ZNF678: variants seen among roughly 807,000 people sequenced by gnomAD.
The protein encoded by ZNF678 is hypothetical protein MGC42493.
A neutral mutation model predicts 3.0 loss-of-function variants in ZNF678; 5 were observed. The observed-to-expected ratio is 1.69, with a 90% CI of 0.88 to 3.56. The LOEUF is 3.56. Among genes scored for constraint, ZNF678 ranks in the 30% most tolerant of loss-of-function variants. ZNF678 has a pLI of 0.00. For missense variants in ZNF678, 593 were observed against 605.0 expected, an observed-to-expected ratio of 0.98 and a Z score of 0.21; for synonymous variants, 218 against 199.6, an observed-to-expected ratio of 1.09 and a Z score of -0.78.
chr1:227,615,056 A>G (rs913810079), intron 1 of ZNF678, among the ~76,000 whole-genome samples: 2 of 152,232 alleles, frequency 1.3e-5, no homozygotes, highest in African/African-American at 4.8e-5. Flanking sequence ...CAGAAAACAG[A>G]AACGGAACTA....
chr1:227,655,835 C>A lies in ZNF678; in HGVS notation c.*7C>A. ...AAAATGTGGCAGTCTTTAAAAACTG[C>A]TTCATTATACATGGCTTCACTAATT... On this transcript the variant is annotated 3_prime_UTR_variant, in exon 4 of 4. Transcript: ENST00000343776. 2 of 1,551,444 alleles carry A rather than the reference C, an allele frequency of 1.3e-6. No individual in the cohort carries two copies. The highest frequency in any genetic ancestry group is 1.7e-6 in the Non-Finnish European group (2 of 1,153,980).
At chr1:227,602,046 G>T (rs996711475) in intron 1 of ZNF678, among the ~76,000 whole-genome samples, 2 of 152,076 alleles carry the variant, frequency 1.3e-5, no homozygotes, top group Non-Finnish European at 2.9e-5. Flanking sequence ...CTTCTTACTT[G>T]GATGTCCTTT....
At position 227,654,910 on chromosome 1, in the gene ZNF678, G is replaced by A. The variant is rs1206187473; in HGVS notation, c.660G>A (p.Gln220=). 3 of 1,612,146 alleles carry A rather than the reference G, an allele frequency of 1.9e-6. 1 individual carries two copies. The highest frequency in any genetic ancestry group is 4.5e-5 in the East Asian group (2 of 44,746). The part of the protein sequence containing the change: ...PCEECGKAFT[Q]FSNLTQHKRI... ...AAGAATGTGGCAAAGCCTTTACCCA[G>A]TTCTCAAACCTTACACAACATAAGA... The change falls in exon 4 of 4, where the codon CAG becomes CAA. Residue 220 remains glutamine (Q), a synonymous_variant. Transcript: ENST00000343776.
chr1:227,676,893 T>G (rs917455631), intron 5 of ZNF678, among the ~76,000 whole-genome samples: 6 of 152,202 alleles, frequency 3.9e-5, no homozygotes, highest in African/African-American at 1.4e-4. Context: ...GGTGTATATG[T>G]GCCACATTTT....
chr1:227,639,414 G>T (rs1658763111), intron 1 of ZNF678, among the ~76,000 whole-genome samples: 2 of 152,224 alleles, frequency 1.3e-5, no homozygotes, highest in Non-Finnish European at 2.9e-5. Flanking sequence ...CTCACCGTGG[G>T]GTTTGAGGGC....
chr1:227,638,709 T>C lies in ZNF678; in HGVS notation c.-163-7835T>C, dbSNP rs747261911. 1.5e-4 allele frequency among the ~76,000 whole-genome samples: 23 copies of C among 151,842 alleles called. No individual in the cohort carries two copies. The highest frequency in any genetic ancestry group is 2.5e-4 in the Non-Finnish European group (17 of 67,950). On this transcript the variant is annotated intron_variant, in intron 1 of 3. Transcript: ENST00000343776. The surrounding 1 kb of genome is among the most constrained non-coding windows in gnomAD (Gnocchi z 4.2). ...TGGAAGTAGGGAGTAATGTGGAGTT[T>C]TGAAAGGATGTCTCTGCTTAGGAGC...
chr1:227,676,486 C>A (rs1182598439), intron 5 of ZNF678, among the ~76,000 whole-genome samples: 4 of 151,870 alleles, frequency 2.6e-5, no homozygotes, highest in Non-Finnish European at 5.9e-5. Flanking sequence ...TGTAAATCCC[C>A]AAAACATTTT....
chr1:227,582,606 G>T, intron 1 of ZNF678: 1 of 225,072 alleles, frequency 4.4e-6, no homozygotes, highest in South Asian at 5.1e-5. Flanking sequence ...TTAGATTACA[G>T]GTATGAGACA....
chr1:227,643,716 A>G (rs1262506234), intron 1 of ZNF678, among the ~76,000 whole-genome samples: 1 of 152,100 alleles, frequency 6.6e-6, no homozygotes, highest in African/African-American at 2.4e-5. Context: ...ATTTCCTCAG[A>G]TTCAGTAGTT....
rs1415266819 is a variant in ZNF678, at chr1:227,656,452, C to T, written c.*624C>T. The T allele has an allele frequency of 6.6e-6, 1 of 151,562 alleles. No individual in the cohort carries two copies. Among genetic ancestry groups the T allele is most frequent in the Non-Finnish European group, 1.5e-5 (1 of 67,740 alleles). The allele number at this position is 151,562 out of a possible 1,614,324, so 9.4% of individuals were successfully genotyped here. A position where few individuals can be genotyped will look rare whatever the true frequency, so the allele number is the denominator to read the frequency against. On this transcript the variant is annotated 3_prime_UTR_variant, in exon 4 of 4. Coordinates refer to ENST00000343776, the MANE Select transcript of ZNF678 (RefSeq NM_001367909.1). ...TATATATTTTAATATTGATATAATT[C>T]ATATCTCAAATAACTTGATTTTTAT...
At chr1:227,646,923 A>G (rs1658974117) in intron 2 of ZNF678, among the ~76,000 whole-genome samples, 1 of 152,222 alleles carries the variant, frequency 6.6e-6, no homozygotes, top group African/African-American at 2.4e-5. Context: ...GGCATAAGAT[A>G]TTGTTGCCCA....
At chr1:227,606,983 C>T (rs1044518714) in intron 1 of ZNF678, among the ~76,000 whole-genome samples, 1 of 152,160 alleles carries the variant, frequency 6.6e-6, no homozygotes, top group African/African-American at 2.4e-5. Flanking sequence ...TCCTTTTCTA[C>T]ATAGACACAG....
At chr1:227,630,104 A>G (rs994210099) in intron 1 of ZNF678, among the ~76,000 whole-genome samples, 2 of 152,228 alleles carry the variant, frequency 1.3e-5, no homozygotes, top group African/African-American at 4.8e-5. Context: ...TGACTGAGTG[A>G]TAAACTTATC....
At chr1:227,632,446 T>C (rs1221540459) in intron 1 of ZNF678, among the ~76,000 whole-genome samples, 2 of 152,150 alleles carry the variant, frequency 1.3e-5, no homozygotes, top group Non-Finnish European at 2.9e-5. Flanking sequence ...CATGGGCGAC[T>C]GTTGAGTAGA....
At chr1:227,675,645 T>C (rs962820073) in intron 5 of ZNF678, among the ~76,000 whole-genome samples, 2 of 152,164 alleles carry the variant, frequency 1.3e-5, no homozygotes, top group Non-Finnish European at 1.5e-5. Context: ...TACATTTTTT[T>C]TTTTACATCT....
At chr1:227,575,651 C>T (rs916582897) in intron 1 of ZNF678, among the ~76,000 whole-genome samples, 2 of 152,106 alleles carry the variant, frequency 1.3e-5, no homozygotes, top group Admixed American at 6.5e-5. Flanking sequence ...GGGGCGAGAC[C>T]GTGAGATTTG....
At chr1:227,640,534 G>A (rs1658793500) in intron 1 of ZNF678, among the ~76,000 whole-genome samples, 2 of 152,098 alleles carry the variant, frequency 1.3e-5, no homozygotes, top group Non-Finnish European at 2.9e-5. Context: ...AGGTCGGGGT[G>A]TAATCTGAGT....
rs1315859863 is a variant in ZNF678 at position 227,656,511 on chromosome 1, G to C, written c.*683G>C. ...TTGTTTATGTTAAAGTATGTGGTCA[G>C]TTGTTGCTGCATAAGAGCTATGAGA... is the stretch of plus-strand genomic sequence containing the variant. On this transcript the variant is annotated 3_prime_UTR_variant, in exon 4 of 4. Transcript: ENST00000343776. 1.3e-5 allele frequency: 2 copies of C among 151,750 alleles called. No homozygotes were observed. Among genetic ancestry groups the C allele is most frequent in the East Asian group, 3.9e-4 (2 of 5,190 alleles). 9.4% of individuals were successfully genotyped at this position (151,750 alleles called of 1,614,324 possible).
intron 1 of ZNF678, among the ~76,000 whole-genome samples, chr1:227,600,921 A>G (rs1657722163): frequency 6.6e-6 from 1 of 152,136 alleles, no homozygotes; most frequent in Non-Finnish European, 1.5e-5. Flanking sequence ...TTTACATTTT[A>G]GTCTTTGATT....
Sources: allele counts gnomAD v4.1 joint callset (sites outside exome capture counted in the v4.1 genomes callset), GRCh38; gene constraint gnomAD v4.1.1; non-coding constraint Gnocchi (gnomAD v3.1); transcripts MANE v1.5; gene names NCBI Gene and HGNC (gene_info 2026-07-23, HGNC 2026-07-21).